Variants in PTPRF observed in about 807,000 individuals in gnomAD.
The protein encoded by PTPRF is protein tyrosine phosphatase receptor type F.
PTPRF carries 59 observed loss-of-function variants against 201.8 expected under a neutral mutation model. That is an observed-to-expected ratio of 0.29 (90% CI 0.24 to 0.36). The LOEUF (loss-of-function observed/expected upper bound fraction) is 0.36, where lower values mean the gene tolerates loss of function less well. PTPRF is among the 10% of genes least tolerant of loss of function. PTPRF has a pLI of 1.00. For synonymous variants in PTPRF, 1,088 were observed against 1,089.7 expected (o/e 1.00, Z 0.03); for missense variants, 2,132 against 2,690.5 (o/e 0.79, Z 4.59).
Position 43,619,865 on chromosome 1 carries a change from A to C in PTPRF, c.5111+7A>C. 1.2e-6 allele frequency: 2 copies of C among 1,613,490 alleles called. No homozygotes were observed. Among genetic ancestry groups the C allele is most frequent in the African/African-American group, 2.7e-5 (2 of 75,070 alleles). On this transcript the variant is annotated splice_region_variant and intron_variant, in intron 29 of 33. Coordinates refer to ENST00000359947, the MANE Select transcript of PTPRF (RefSeq NM_002840.5). Reference sequence around the variant, plus strand: ...GCTTCCTGGATGGTTATAGGTCAGCATGCATGTCACTGCCCCACCATGCCC... The same window carrying C: ...GCTTCCTGGATGGTTATAGGTCAGCCTGCATGTCACTGCCCCACCATGCCC...
intron 5 of PTPRF, among the ~76,000 whole-genome samples, chr1:43,557,897 A>C (rs559910845): frequency 7.6e-4 from 115 of 152,282 alleles, no homozygotes; most frequent in African/African-American, 2.6e-3. Flanking sequence ...CTTGGCCAGC[A>C]TTGGGCTTGA....
chr1:43,583,131 C>G, intron 7 of PTPRF: 8 of 981,222 alleles, frequency 8.2e-6, no homozygotes, highest in Non-Finnish European at 9.7e-6. Context: ...TACAGTTCGC[C>G]CATCGATGGG....
chr1:43,592,671 C>T lies in PTPRF; in HGVS notation c.1813+70C>T, dbSNP rs867875888. On this transcript the variant is annotated intron_variant, in intron 11 of 33. Transcript: ENST00000359947. ...CACACACACACACATGCACACACATCCTTCCCCCTCGACCAGGCAGGTGGG... is the reference window on the plus strand; with the variant it reads ...CACACACACACACATGCACACACATTCTTCCCCCTCGACCAGGCAGGTGGG... 3.5e-6 allele frequency: 5 copies of T among 1,440,854 alleles called. No individual in the cohort carries two copies. The Middle Eastern group carries it at 8.4e-4, about 243-fold the overall frequency. 89.3% of individuals were successfully genotyped at this position (1,440,854 alleles called of 1,614,324 possible).
chr1:43,565,659 T>C (rs566911262), intron 5 of PTPRF, among the ~76,000 whole-genome samples: 1 of 152,088 alleles, frequency 6.6e-6, no homozygotes, highest in East Asian at 1.9e-4. Context: ...AGGAGGCAGA[T>C]GGCCCCTCCC....
rs770025891 is a variant in PTPRF at position 43,592,439 on chromosome 1, G to GCTCC, written c.1669-15_1669-12dup. On this transcript the variant is annotated splice_polypyrimidine_tract_variant and intron_variant, in intron 10 of 33. Coordinates refer to ENST00000359947, the MANE Select transcript of PTPRF (RefSeq NM_002840.5). Reference sequence around the variant, plus strand: ...TTTGAGCTCAGAGCTGTCAGTGAGTGCTCCCTGCTCTTCCCAGCACAAGGT... The same window carrying GCTCC: ...TTTGAGCTCAGAGCTGTCAGTGAGTGCTCCCTCCCTGCTCTTCCCAGCACAAGGT... The GCTCC allele has an allele frequency of 2.1e-5, 33 of 1,593,040 alleles. No homozygotes were observed. In the South Asian group the frequency reaches 3.4e-4, roughly 17 times the overall value.
At chr1:43,597,705 C>A in intron 11 of PTPRF, 43 bp from the exon 12 acceptor site, 1 of 1,313,882 alleles carries the variant, frequency 7.6e-7, no homozygotes, top group Non-Finnish European at 1.1e-6. Flanking sequence ...CCTGTGATCC[C>A]CACCCTCCAT....
chr1:43,589,468 A>G (rs1376098856), intron 8 of PTPRF, among the ~76,000 whole-genome samples: 1 of 152,012 alleles, frequency 6.6e-6, no homozygotes, highest in East Asian at 1.9e-4. Flanking sequence ...GCCTCCCAGC[A>G]AGAAGGGTGT....
At position 43,606,227 on chromosome 1, in the gene PTPRF, T is replaced by G. The variant is rs369387836; in HGVS notation, c.3484-13T>G. On this transcript the variant is annotated splice_polypyrimidine_tract_variant and intron_variant, in intron 19 of 33. Transcript: ENST00000359947. ...CCAAGGCCCCTCATGACCCCCATGC[T>G]CTGCTCTGCCAGCTTCTAGAAGCCA... is the stretch of plus-strand genomic sequence containing the variant. 135 of 1,608,774 alleles carry G rather than the reference T, an allele frequency of 8.4e-5. No homozygotes were observed. Among genetic ancestry groups the G allele is most frequent in the Non-Finnish European group, 1.1e-4 (127 of 1,178,378 alleles).
At chr1:43,593,378 C>T (rs1359836448) in intron 11 of PTPRF, among the ~76,000 whole-genome samples, 2 of 152,076 alleles carry the variant, frequency 1.3e-5, no homozygotes, top group Non-Finnish European at 2.9e-5. Context: ...ATCCTGTAAC[C>T]GTATTTGTGG....
At chr1:43,620,684 G>A in intron 31 of PTPRF, 105 bp downstream of exon 31, 3 of 1,546,070 alleles carry the variant, frequency 1.9e-6, no homozygotes, top group South Asian at 2.5e-5. Context: ...CTGAGGCGGT[G>A]GGTGGGTATT....
At chr1:43,547,118 G>A (rs979817374) in intron 3 of PTPRF, among the ~76,000 whole-genome samples, 14 of 151,938 alleles carry the variant, frequency 9.2e-5, no homozygotes, top group South Asian at 4.2e-4. Context: ...CCCCAGGGTC[G>A]TAACCCTTCT....
In PTPRF at chr1:43,591,913, C is replaced by G; in HGVS notation, c.1633C>G (p.Leu545Val). Residue 545 changes from leucine (L) to valine (V), a missense_variant, in exon 10 of 34, where the codon CTG (leucine) becomes GTG (valine). Around this residue, in one of 6 missense-constraint regions of PTPRF, gnomAD observed 351 missense variants for 401.7 expected, o/e 0.87. Coordinates refer to ENST00000359947, the MANE Select transcript of PTPRF (RefSeq NM_002840.5). ...TCAGGAGCGGATCATCATGTATGAA[C>G]TGGTGTACTGGGCGGCAGAGGACGA... is the stretch of plus-strand genomic sequence containing the variant. ...PPQERIIMYELVYWAAEDEDQ... is the reference protein window; with the variant it reads ...PPQERIIMYEVVYWAAEDEDQ... 1 of 1,613,668 alleles carries G rather than the reference C, an allele frequency of 6.2e-7. No homozygotes were observed. Among genetic ancestry groups the G allele is most frequent in the Non-Finnish European group, 8.5e-7 (1 of 1,180,012 alleles).
rs761933077 is a variant in PTPRF at position 43,606,257 on chromosome 1, G to C, written c.3501G>C (p.Glu1167Asp). 3 of 1,613,314 alleles carry C rather than the reference G, an allele frequency of 1.9e-6. No homozygotes were observed. The African/African-American group carries it at 4.0e-5, about 22-fold the overall frequency. Residue 1167 changes from glutamate (E) to aspartate (D), a missense_variant, in exon 20 of 34, where the codon GAG becomes GAC. By Grantham distance (45) the Glu-to-Asp change is conservative (BLOSUM62 2). Around this residue, in one of 6 missense-constraint regions of PTPRF, gnomAD observed 818 missense variants for 915.3 expected, o/e 0.89. Transcript: ENST00000359947. The part of the protein sequence containing the change: ...LELDELLEAI[E>D]QGGEEQRRRR... ...TCTGCCAGCTTCTAGAAGCCATCGA[G>C]CAAGGCGGAGAGGAGCAGCGGCGGC...
At chr1:43,545,793 G>C (rs1421240875) in intron 3 of PTPRF, among the ~76,000 whole-genome samples, 1 of 152,162 alleles carries the variant, frequency 6.6e-6, no homozygotes, top group Non-Finnish European at 1.5e-5. Context: ...GCTGAGCAAC[G>C]CCCCTCTGTG....
At chr1:43,531,679 C>T (rs1643548728) in intron 1 of PTPRF, among the ~76,000 whole-genome samples, 1 of 151,870 alleles carries the variant, frequency 6.6e-6, no homozygotes, top group Admixed American at 6.6e-5. Context: ...CCCCCCCACC[C>T]CCTTCGTTCG....
Position 43,597,999 on chromosome 1 carries a change from G to C in PTPRF, c.2065G>C (p.Asp689His), listed in dbSNP as rs201745531. The change falls in exon 12 of 34, where the codon GAC becomes CAC. Residue 689 changes from aspartate (D) to histidine (H), a missense_variant. By Grantham distance (81) the Asp-to-His change is moderately conservative (BLOSUM62 -1). This residue lies in a region of PTPRF where 125 missense variants were observed against 211.9 expected (regional missense o/e 0.59). Transcript: ENST00000359947. ...EYRVWVRAHT[D>H]VGPGPESSPV... is the part of the protein sequence containing the mutation. ...CCGGGTGTGGGTGCGGGCACACACA[G>C]ACGTGGGCCCCGGCCCCGAGAGCAG... is the stretch of plus-strand genomic sequence containing the variant. 2 of 1,532,842 alleles carry C rather than the reference G, an allele frequency of 1.3e-6. No individual in the cohort carries two copies. Among genetic ancestry groups the C allele is most frequent in the East Asian group, 2.5e-5 (1 of 40,574 alleles). 95.0% of individuals were successfully genotyped at this position (1,532,842 alleles called of 1,614,324 possible).
intron 7 of PTPRF, among the ~76,000 whole-genome samples, chr1:43,581,575 G>T (rs563957918): frequency 6.6e-6 from 1 of 152,198 alleles, no homozygotes; most frequent in South Asian, 2.1e-4. Context: ...CCCACTGCTC[G>T]TCATCTCATG....
intron 6 of PTPRF, among the ~76,000 whole-genome samples, chr1:43,575,201 G>A (rs933818416): frequency 2.0e-5 from 3 of 152,200 alleles, no homozygotes; most frequent in South Asian, 2.1e-4. Flanking sequence ...GAGGGTGAAC[G>A]CCTGGCCCTC....
chr1:43,581,250 C>T (rs745337008), intron 7 of PTPRF, among the ~76,000 whole-genome samples: 5 of 152,260 alleles, frequency 3.3e-5, no homozygotes, highest in Non-Finnish European at 7.3e-5. Context: ...ACCCTTCTGG[C>T]TCCATCCCCA....
Sources: gnomAD v4.1 joint callset for allele counts (sites outside exome capture counted in the v4.1 genomes callset) on GRCh38, gnomAD v4.1.1 for gene constraint, gnomAD v4.1.1 regional missense constraint, MANE v1.5 for transcripts, NCBI Gene and HGNC (gene_info 2026-07-23, HGNC 2026-07-21) for gene names.